Variants in PARD3 observed in about 807,000 individuals in gnomAD.
PARD3 encodes the protein par-3 family cell polarity regulator.
A neutral mutation model predicts 155.4 loss-of-function variants in PARD3; 75 were observed. The observed-to-expected ratio is 0.48, with a 90% CI of 0.40 to 0.58. The LOEUF (loss-of-function observed/expected upper bound fraction) is 0.58. Ranked by LOEUF, PARD3 falls within the 20% of genes least tolerant of loss-of-function variation. PARD3 has a pLI of 0.00. For synonymous variants in PARD3, 576 were observed against 610.5 expected, an observed-to-expected ratio of 0.94 and a Z score of 0.83; for missense variants, 1,642 against 1,721.7, an observed-to-expected ratio of 0.95 and a Z score of 0.82.
chr10:34,361,935 T>C (rs949001021), intron 12 of PARD3, among the ~76,000 whole-genome samples: 6 of 152,190 alleles, frequency 3.9e-5, no homozygotes, highest in Non-Finnish European at 7.3e-5. Flanking sequence ...ACATTTATGA[T>C]CAAAGTCCAA....
chr10:34,378,287 T>TA (rs1413820525), intron 9 of PARD3, among the ~76,000 whole-genome samples, 181 bp from the exon 10 acceptor site: 1 of 152,208 alleles, frequency 6.6e-6, no homozygotes, highest in Non-Finnish European at 1.5e-5. Context: ...GTGGAAGGTT[T>TA]AAATGGTTTA....
At chr10:34,632,826 T>C (rs2092323898) in intron 2 of PARD3, among the ~76,000 whole-genome samples, 1 of 152,330 alleles carries the variant, frequency 6.6e-6, no homozygotes, top group Non-Finnish European at 1.5e-5. Flanking sequence ...AGGAATCAAT[T>C]ATCATTCCGA....
At chr10:34,534,346 A>G (rs113028066) in intron 2 of PARD3, among the ~76,000 whole-genome samples, 4,423 of 151,590 alleles carry the variant, frequency 0.029, 96 homozygotes, top group Middle Eastern at 0.059. Context: ...AAGTCAATGG[A>G]AAGAGGTGAG....
intron 3 of PARD3, among the ~76,000 whole-genome samples, chr10:34,486,210 G>C (rs2079458860): frequency 6.6e-6 from 1 of 152,110 alleles, no homozygotes; most frequent in African/African-American, 2.4e-5. Flanking sequence ...GAGCCAGCCT[G>C]TTTTAATGTT....
At chr10:34,505,528 GT>G (rs1321854537) in intron 3 of PARD3, among the ~76,000 whole-genome samples, 1 of 152,140 alleles carries the variant, frequency 6.6e-6, no homozygotes, top group Non-Finnish European at 1.5e-5. Flanking sequence ...GCAAATTCTG[GT>G]GAAATCTGTG....
intron 22 of PARD3, among the ~76,000 whole-genome samples, chr10:34,206,577 C>T (rs1951490346): frequency 6.6e-6 from 1 of 152,222 alleles, no homozygotes; most frequent in South Asian, 2.1e-4. Flanking sequence ...AGTGTTGCAT[C>T]TCCCTGACTG....
intron 1 of PARD3, among the ~76,000 whole-genome samples, chr10:34,769,601 C>T (rs1838576368): frequency 6.6e-6 from 1 of 151,484 alleles, no homozygotes; most frequent in Admixed American, 6.6e-5. Context: ...ATAAAAAATA[C>T]AAAAATTAGC....
intron 2 of PARD3, among the ~76,000 whole-genome samples, chr10:34,661,240 G>C (rs763746491): frequency 1.3e-5 from 2 of 152,040 alleles, no homozygotes; most frequent in Admixed American, 1.3e-4. Flanking sequence ...TGAGAAACAA[G>C]GAACAAAACG....
At chr10:34,687,596 G>A (rs1290213717) in intron 2 of PARD3, among the ~76,000 whole-genome samples, 1 of 152,110 alleles carries the variant, frequency 6.6e-6, no homozygotes, top group Non-Finnish European at 1.5e-5. Flanking sequence ...AACAGATAGT[G>A]CAAGGCATCT....
intron 2 of PARD3, among the ~76,000 whole-genome samples, chr10:34,634,906 C>G (rs1426877063): frequency 2.0e-5 from 3 of 152,158 alleles, no homozygotes; most frequent in African/African-American, 4.8e-5. Context: ...GGTGAGGGGA[C>G]AGCCATGATG....
At chr10:34,500,897 T>C (rs2080653473) in intron 3 of PARD3, among the ~76,000 whole-genome samples, 1 of 152,182 alleles carries the variant, frequency 6.6e-6, no homozygotes, top group Non-Finnish European at 1.5e-5. Flanking sequence ...CTTCCTAACA[T>C]GCACAATATT....
intron 7 of PARD3, among the ~76,000 whole-genome samples, chr10:34,389,775 T>G (rs977347982): frequency 6.6e-6 from 1 of 152,120 alleles, no homozygotes; most frequent in Admixed American, 6.5e-5. Flanking sequence ...ACTGAAAGCA[T>G]GGACACCAAA....
intron 15 of PARD3, chr10:34,346,241 G>C: frequency 1.7e-6 from 2 of 1,147,448 alleles, no homozygotes; most frequent in Non-Finnish European, 2.2e-6. Context: ...AACAAAATCG[G>C]GGCAACAGAC....
rs76842535 is a variant in PARD3 at position 34,202,524 on chromosome 10, A to G, written c.3419+67133T>C. Among the ~76,000 whole-genome samples the G allele has an allele frequency of 7.6e-3, 1,165 of 152,356 alleles. 26 individuals are homozygous for G. Among genetic ancestry groups the G allele is most frequent in the African/African-American group, 0.027 (1,123 of 41,584 alleles). ...CCAAATGTCACACTGCATAAACGAC[A>G]CAGGCATGTTAACAGAGGTACAGAA... On this transcript the variant is annotated intron_variant, in intron 22 of 24. Coordinates refer to ENST00000374788, the MANE Select transcript of PARD3 (RefSeq NM_001184785.2).
chr10:34,517,227 A>G, intron 2 of PARD3, 68 bp from the exon 3 acceptor site: 1 of 1,439,906 alleles, frequency 6.9e-7, no homozygotes, highest in Non-Finnish European at 9.5e-7. Context: ...ATTTTGTACT[A>G]TTTTGACATA....
rs202148989 is a variant in PARD3, at chr10:34,111,411, C to A, written c.3820G>T (p.Ala1274Ser). ...TCCTGAGTTTCCAGCATGACCCTGG[C>A]GTTGAAGCCATGTCCTCCCAGGTAG... is the stretch of plus-strand genomic sequence containing the variant. ...NGYLGGHGFNARVMLETQELL... is the reference protein window; with the variant it reads ...NGYLGGHGFNSRVMLETQELL... Residue 1274 changes from alanine (A) to serine (S), a missense_variant, in exon 25 of 25, where the codon GCC becomes TCC. Transcript: ENST00000374788. 2 of 1,614,176 alleles carry A rather than the reference C, an allele frequency of 1.2e-6. No homozygotes were observed. The highest frequency in any genetic ancestry group is 1.3e-5 in the African/African-American group (1 of 75,050).
chr10:34,347,719 T>C (rs111797565), intron 15 of PARD3, among the ~76,000 whole-genome samples: 1,953 of 152,306 alleles, frequency 0.013, 46 homozygotes, highest in African/African-American at 0.044. Context: ...GATCCCTTTC[T>C]TTTTGGTTGC....
chr10:34,254,548 G>A (rs936693416), intron 22 of PARD3, among the ~76,000 whole-genome samples: 9 of 64,256 alleles, frequency 1.4e-4, no homozygotes, highest in African/African-American at 3.9e-4. Flanking sequence ...GTGTGTGTGT[G>A]TGTGTGTGTG....
chr10:34,478,177 C>T (rs1267847975), intron 3 of PARD3, among the ~76,000 whole-genome samples: 1 of 151,960 alleles, frequency 6.6e-6, no homozygotes, highest in Non-Finnish European at 1.5e-5. Flanking sequence ...TCTATATAAG[C>T]AATAAATACA....
Sources: gnomAD v4.1 joint callset for allele counts (sites outside exome capture counted in the v4.1 genomes callset) on GRCh38, gnomAD v4.1.1 for gene constraint, MANE v1.5 for transcripts, NCBI Gene and HGNC (gene_info 2026-07-23, HGNC 2026-07-21) for gene names.